GRIP1: variants seen among roughly 807,000 people sequenced by gnomAD.
GRIP1 encodes glutamate receptor-interacting protein 1.
GRIP1 carries 45 observed loss-of-function variants against 129.9 expected under a neutral mutation model. The ratio of observed to expected loss-of-function variants is 0.35; its 90% CI spans 0.27 to 0.44. GRIP1 has a LOEUF of 0.44. Among genes scored for constraint, GRIP1 ranks in the 20% least tolerant of loss-of-function variants. The probability of loss-of-function intolerance (pLI) is 1.00; values close to 1 mark genes in which losing one functional copy is unlikely to be tolerated. For missense variants in GRIP1, 1,196 were observed against 1,396.8 expected (o/e 0.86, Z 2.29); for synonymous variants, 530 against 520.8 (o/e 1.02, Z -0.24).
chr12:66,589,049 G>A (rs1397726747), intron 2 of GRIP1, among the ~76,000 whole-genome samples: 2 of 151,454 alleles, frequency 1.3e-5, no homozygotes, highest in Non-Finnish European at 2.9e-5. Context: ...TGTGTAACAG[G>A]GGAATTAATA....
chr12:67,052,802 G>C (rs2043369495), intron 1 of GRIP1, among the ~76,000 whole-genome samples: 1 of 151,020 alleles, frequency 6.6e-6, no homozygotes, highest in African/African-American at 2.4e-5. Flanking sequence ...GGGAGGGAGG[G>C]AGGAAGGAAA....
intron 1 of GRIP1, among the ~76,000 whole-genome samples, chr12:67,010,821 C>A (rs187457686): frequency 1.6e-4 from 25 of 151,954 alleles, no homozygotes; most frequent in Admixed American, 1.1e-3. Flanking sequence ...CTGTCTCCCC[C>A]CCAGCGCAGG....
At chr12:66,708,512 T>C (rs76742201) in intron 1 of GRIP1, among the ~76,000 whole-genome samples, 3 of 152,026 alleles carry the variant, frequency 2.0e-5, no homozygotes, top group Non-Finnish European at 4.4e-5. Flanking sequence ...AGTTCGGGCC[T>C]AGGTAGAAAA....
intron 8 of GRIP1, among the ~76,000 whole-genome samples, chr12:66,464,924 T>TAAAGGGGA (rs2059240151): frequency 6.8e-6 from 1 of 147,420 alleles, no homozygotes; most frequent in Non-Finnish European, 1.5e-5. Flanking sequence ...TGCAATTTTG[T>TAAAGGGGA]AAAGGGGCAC....
At chr12:66,435,514 T>C (rs1270971363) in intron 13 of GRIP1, among the ~76,000 whole-genome samples, 1 of 152,142 alleles carries the variant, frequency 6.6e-6, no homozygotes, top group African/African-American at 2.4e-5. Flanking sequence ...ACCCATTTAA[T>C]ATTTTCTGTT....
At chr12:66,678,690 A>C (rs539976413) in intron 1 of GRIP1, among the ~76,000 whole-genome samples, 160 bp downstream of exon 1, 1 of 152,182 alleles carries the variant, frequency 6.6e-6, no homozygotes, top group Non-Finnish European at 1.5e-5. Context: ...AGCAAAGCCG[A>C]GTCTACCTGT....
At chr12:67,060,488 T>C (rs1235521704) in intron 1 of GRIP1, among the ~76,000 whole-genome samples, 1 of 152,164 alleles carries the variant, frequency 6.6e-6, no homozygotes, top group Non-Finnish European at 1.5e-5. Context: ...AGTTTACATG[T>C]AGTTATATGT....
chr12:67,038,575 T>C (rs1475759812), intron 1 of GRIP1, among the ~76,000 whole-genome samples: 3 of 152,206 alleles, frequency 2.0e-5, no homozygotes, highest in Non-Finnish European at 4.4e-5. Flanking sequence ...AGTTAGTGCC[T>C]CTCAGAGCCC....
In GRIP1 at chr12:66,456,217, A is replaced by G. The variant is rs2058958262; in HGVS notation, c.1168T>C (p.Phe390Leu). The change falls in exon 10 of 25, where the codon TTC becomes CTC. Residue 390 changes from phenylalanine to leucine, a missense_variant. By Grantham distance (22) the Phe-to-Leu change is conservative. Coordinates refer to ENST00000359742, the MANE Select transcript of GRIP1 (RefSeq NM_001366722.1). ...CTGTTTGGAGGAGGTGCTTTCGGGA[A>G]TGTCAGGGCTGGTACTCTGCAATGG... ...PDHCRVPALTFPKAPPPNSPP... is the reference protein window; with the variant it reads ...PDHCRVPALTLPKAPPPNSPP... 2 of 1,289,748 alleles carry G rather than the reference A, an allele frequency of 1.6e-6. No homozygotes were observed. The highest frequency in any genetic ancestry group is 2.5e-5 in the South Asian group (2 of 81,002). 79.9% of individuals were successfully genotyped at this position (1,289,748 alleles called of 1,614,324 possible).
At chr12:66,899,906 T>C (rs2040817703) in intron 1 of GRIP1, among the ~76,000 whole-genome samples, 1 of 151,880 alleles carries the variant, frequency 6.6e-6, no homozygotes, top group African/African-American at 2.4e-5. Flanking sequence ...GACCAGTCTA[T>C]ATATGTGATT....
intron 1 of GRIP1, among the ~76,000 whole-genome samples, chr12:67,057,449 A>AC (rs1411484987): frequency 6.6e-6 from 1 of 151,940 alleles, no homozygotes; most frequent in Non-Finnish European, 1.5e-5. Flanking sequence ...AAAAAAAAAA[A>AC]AAAAAACTCC....
At chr12:66,476,025 G>T (rs1027629900) in intron 7 of GRIP1, among the ~76,000 whole-genome samples, 2 of 152,020 alleles carry the variant, frequency 1.3e-5, no homozygotes, top group African/African-American at 2.4e-5. Flanking sequence ...GATCAGAGGA[G>T]AACTGAAGGG....
intron 22 of GRIP1, chr12:66,372,348 C>A: frequency 3.7e-6 from 1 of 273,866 alleles, no homozygotes; most frequent in Non-Finnish European, 7.1e-6. Context: ...CACCAGGCTG[C>A]CTGTACTTGC....
chr12:66,443,154 G>C (rs1311613653), intron 13 of GRIP1, among the ~76,000 whole-genome samples: 3 of 152,186 alleles, frequency 2.0e-5, no homozygotes, highest in Non-Finnish European at 4.4e-5. Context: ...TACTGATCAG[G>C]ACTCTGCCTG....
At chr12:66,817,174 G>GTA (rs919788237) in intron 1 of GRIP1, among the ~76,000 whole-genome samples, 50 of 141,692 alleles carry the variant, frequency 3.5e-4, no homozygotes, top group African/African-American at 7.2e-4. Context: ...TTTCATCACA[G>GTA]TATATATATA....
intron 15 of GRIP1, among the ~76,000 whole-genome samples, chr12:66,413,995 C>T (rs528921337): frequency 5.9e-5 from 9 of 152,002 alleles, no homozygotes; most frequent in South Asian, 2.1e-4. Context: ...AATATCATAC[C>T]GAATGGGCAA....
At chr12:66,854,747 G>A (rs956758587) in intron 1 of GRIP1, among the ~76,000 whole-genome samples, 3 of 151,926 alleles carry the variant, frequency 2.0e-5, no homozygotes, top group Non-Finnish European at 2.9e-5. Context: ...AAAATGAAAC[G>A]TAAACAACCC....
At chr12:66,990,339 T>C (rs1379540229) in intron 1 of GRIP1, among the ~76,000 whole-genome samples, 2 of 152,252 alleles carry the variant, frequency 1.3e-5, no homozygotes, top group Non-Finnish European at 2.9e-5. Flanking sequence ...TATCCAGTTA[T>C]TCAAGAGACA....
intron 1 of GRIP1, among the ~76,000 whole-genome samples, chr12:66,801,826 G>A (rs1038754976): frequency 2.0e-5 from 3 of 152,140 alleles, no homozygotes; most frequent in African/African-American, 4.8e-5. Flanking sequence ...TCATTAAGAT[G>A]TGAACATCAT....
Sources: allele counts gnomAD v4.1 joint callset (sites outside exome capture counted in the v4.1 genomes callset), GRCh38; gene constraint gnomAD v4.1.1; transcripts MANE v1.5; gene names NCBI Gene and HGNC (gene_info 2026-07-23, HGNC 2026-07-21).